The following ZNF436 variants were observed in gnomAD, a reference collection of about 807,000 sequenced individuals.
ZNF436 encodes the protein zinc finger protein 436, also known as DNA-binding protein.
In ZNF436, 22 loss-of-function variants were observed where a neutral mutation model predicts 41.9. The observed-to-expected ratio is 0.53, with a 90% CI of 0.38 to 0.75. The LOEUF is 0.75. ZNF436 is among the 30% of genes least tolerant of loss of function. The pLI is 0.00. For missense variants in ZNF436, 506 were observed against 587.3 expected (o/e 0.86, Z 1.43); for synonymous variants, 217 against 197.8 (o/e 1.10, Z -0.82).
chr1:23,367,934 T>C (rs1023002163), intron 2 of ZNF436, 39 bp downstream of exon 2: 4 of 1,612,108 alleles, frequency 2.5e-6, no homozygotes, highest in Non-Finnish European at 3.4e-6. Context: ...ACGAGGTGGG[T>C]AAGCAGAGAC....
chr1:23,365,022 T>C (rs1041145348), intron 3 of ZNF436, among the ~76,000 whole-genome samples: 1 of 151,984 alleles, frequency 6.6e-6, no homozygotes, highest in Non-Finnish European at 1.5e-5. Context: ...TTTGGGAGGC[T>C]GATGCAGGAG....
intron 1 of ZNF436, 162 bp from the exon 2 acceptor site, chr1:23,368,227 C>T (rs942146694): frequency 8.6e-6 from 5 of 582,130 alleles, no homozygotes; most frequent in Non-Finnish European, 1.5e-5. Flanking sequence ...GCGTCTCCGC[C>T]ACAGCGGGGT....
chr1:23,363,811 A>C (rs192388991), intron 3 of ZNF436, among the ~76,000 whole-genome samples: 43 of 152,312 alleles, frequency 2.8e-4, no homozygotes, highest in Admixed American at 9.2e-4. Context: ...AGGCCAAGTC[A>C]GGAGGAACAC....
chr1:23,368,781 T>G (rs1442631471), intron 1 of ZNF436, among the ~76,000 whole-genome samples: 1 of 152,214 alleles, frequency 6.6e-6, no homozygotes, highest in Non-Finnish European at 1.5e-5. Context: ...TGAGCTAGAA[T>G]GAGCCCCTGC....
Position 23,360,386 on chromosome 1 carries a change from TG to T in ZNF436, c.*1582del, listed in dbSNP as rs2148526825. 6.6e-6 allele frequency: 1 copy of T among 152,264 alleles called. No individual in the cohort carries two copies. Among genetic ancestry groups the T allele is most frequent in the African/African-American group, 2.4e-5 (1 of 41,558 alleles). 9.4% of individuals were successfully genotyped at this position (152,264 alleles called of 1,614,324 possible). On this transcript the variant is annotated 3_prime_UTR_variant, in exon 4 of 4. Transcript: ENST00000314011. ...GCAATAAAGCACAGTAGAAATAAAC[TG>T]GGGGTACTCTCAAAAGAAAAGATAT...
rs762181169 is a variant in ZNF436, at chr1:23,368,018, G to C, written c.-13C>G. 6 of 1,613,942 alleles carry C rather than the reference G, an allele frequency of 3.7e-6. No individual in the cohort carries two copies. Among genetic ancestry groups the C allele is most frequent in the Non-Finnish European group, 2.5e-6 (3 of 1,179,978 alleles). On this transcript the variant is annotated 5_prime_UTR_variant, in exon 2 of 4. Coordinates refer to ENST00000314011, the MANE Select transcript of ZNF436 (RefSeq NM_001077195.2). ...GGGTGGCTGCCATCTCGAGCACAAG[G>C]GTTCGCCTCCAGGGAGAGAGAGCAG...
At position 23,362,220 on chromosome 1, in the gene ZNF436, T is replaced by C; in HGVS notation, c.1162A>G (p.Lys388Glu). 6.2e-7 allele frequency: 1 copy of C among 1,614,146 alleles called. No homozygotes were observed. Among genetic ancestry groups the C allele is most frequent in the Non-Finnish European group, 8.5e-7 (1 of 1,180,020 alleles). Reference protein sequence around the residue: ...ITHQKIHTGEKPYECNECWRS... With the variant: ...ITHQKIHTGEEPYECNECWRS... ...CAACACTCATTACACTCATAAGGCT[T>C]CTCTCCAGTGTGAATTTTCTGGTGT... The change falls in exon 4 of 4, where the codon AAG becomes GAG. Residue 388 changes from lysine to glutamate, a missense_variant. By Grantham distance (56) the Lys-to-Glu change is moderately conservative. This residue lies in a region of ZNF436 where 278 missense variants were observed against 372.1 expected (regional missense o/e 0.75). Transcript: ENST00000314011.
At chr1:23,364,826 CAGAA>C (rs1638323489) in intron 3 of ZNF436, among the ~76,000 whole-genome samples, 1 of 152,182 alleles carries the variant, frequency 6.6e-6, no homozygotes, top group Admixed American at 6.5e-5. Flanking sequence ...GTACACTCTT[CAGAA>C]AGAAAGTATG....
At chr1:23,369,259 C>G (rs369602978) in intron 1 of ZNF436, 107 bp downstream of exon 1, 6 of 456,328 alleles carry the variant, frequency 1.3e-5, no homozygotes, top group Non-Finnish European at 2.8e-5. Context: ...CCGAAGGGAC[C>G]CTGGGCGTCT....
intron 1 of ZNF436, 183 bp from the exon 2 acceptor site, chr1:23,368,248 C>A (rs920174236): frequency 1.8e-5 from 10 of 562,792 alleles, no homozygotes; most frequent in Non-Finnish European, 2.2e-5. Flanking sequence ...GGAGGCAATG[C>A]CGGAATCTAC....
In ZNF436 at chr1:23,369,498, G is replaced by T; in HGVS notation, c.-193C>A. On this transcript the variant is annotated 5_prime_UTR_variant, in exon 1 of 4. Transcript: ENST00000314011. ...CTAGAGAGCACGGGCAGGTCCCGGA[G>T]GTCTCAGACCCGCAGGTAGATCTCG... 1 of 531,864 alleles carries T rather than the reference G, an allele frequency of 1.9e-6. No homozygotes were observed. The highest frequency in any genetic ancestry group is 3.9e-6 in the Non-Finnish European group (1 of 257,632). 32.9% of individuals were successfully genotyped at this position (531,864 alleles called of 1,614,324 possible).
Position 23,361,946 on chromosome 1 carries a change from T to G in ZNF436, c.*23A>C, listed in dbSNP as rs1477650290. 6.5e-7 allele frequency: 1 copy of G among 1,550,176 alleles called. No homozygotes were observed. The highest frequency in any genetic ancestry group is 8.7e-7 in the Non-Finnish European group (1 of 1,150,222). ...AAAATTGTATCTTCAAATGAATCAT[T>G]TCTCAGCCATCATAATTACAGCTTA... On this transcript the variant is annotated 3_prime_UTR_variant, in exon 4 of 4. Transcript: ENST00000314011.
rs772485315 is a variant in ZNF436, at chr1:23,362,425, G to A, written c.957C>T (p.Ser319=). Residue 319 remains serine (S), a synonymous_variant, in exon 4 of 4, where the codon TCC becomes TCT. Transcript: ENST00000314011. ...GGGCTCTGCGATGACGCACAAGGTC[G>A]GAGTTCTGACTGAAATTCTTCCCAC... The part of the protein sequence containing the change: ...DECGKNFSQN[S]DLVRHRRAHT... The A allele has an allele frequency of 6.2e-5, 100 of 1,613,562 alleles. No homozygotes were observed. The highest frequency in any genetic ancestry group is 7.5e-5 in the Non-Finnish European group (88 of 1,179,830).
chr1:23,362,936 T>G lies in ZNF436; in HGVS notation c.446A>C (p.Gln149Pro). 1 of 1,614,234 alleles carries G rather than the reference T, an allele frequency of 6.2e-7. No individual in the cohort carries two copies. The highest frequency in any genetic ancestry group is 8.5e-7 in the Non-Finnish European group (1 of 1,180,032). ...ICSHCGKAFS[Q>P]ISDLNRHQKT... ...CTGATGTCGATTAAGGTCTGAGATC[T>G]GACTGAAGGCCTTTCCACAATGAGA... The change falls in exon 4 of 4, where the codon CAG becomes CCG. Residue 149 changes from glutamine to proline, a missense_variant. Physicochemically the swap from Gln to Pro is moderately conservative, Grantham distance 76. Transcript: ENST00000314011.
Position 23,369,177 on chromosome 1 carries a change from G to T in ZNF436, c.-61+189C>A, listed in dbSNP as rs142620463. On this transcript the variant is annotated intron_variant, in intron 1 of 3. Coordinates refer to ENST00000314011, the MANE Select transcript of ZNF436 (RefSeq NM_001077195.2). ...GTAAGGAGGAGATAGCCAGGCCCCT[G>T]CGGGGGGGGCGGGCCCTCCTTAGCG... The T allele has an allele frequency of 5.2e-3, 2,019 of 390,996 alleles. 11 individuals are homozygous for T. The highest frequency in any genetic ancestry group is 6.6e-3 in the Non-Finnish European group (1,254 of 189,178). The allele number at this position is 390,996 out of a possible 1,614,324, so 24.2% of individuals were successfully genotyped here. A position where few individuals can be genotyped will look rare whatever the true frequency, so the allele number is the denominator to read the frequency against.
In ZNF436 at chr1:23,369,345, GT is replaced by G. The variant is rs1558000001; in HGVS notation, c.-61+20del. ...TGAAGGTAGGAAGCCGAAAACCCGA[GT>G]GGGGGACGAACAGACTTACCTCCTG... On this transcript the variant is annotated intron_variant, in intron 1 of 3. Coordinates refer to ENST00000314011, the MANE Select transcript of ZNF436 (RefSeq NM_001077195.2). The G allele has an allele frequency of 1.9e-6, 1 of 532,282 alleles. No homozygotes were observed. The highest frequency in any genetic ancestry group is 3.9e-6 in the Non-Finnish European group (1 of 258,170). 33.0% of individuals were successfully genotyped at this position (532,282 alleles called of 1,614,324 possible). A position where few individuals can be genotyped will look rare whatever the true frequency, so the allele number is the denominator to read the frequency against.
chr1:23,360,301 C>T lies in ZNF436; in HGVS notation c.*1668G>A, dbSNP rs1009295225. On this transcript the variant is annotated 3_prime_UTR_variant, in exon 4 of 4. Transcript: ENST00000314011. ...ACCACTGGCTCCTTTAACACCAAGT[C>T]CTAAAAAGCTATGGCAAAACATTTT... The T allele has an allele frequency of 6.6e-6, 1 of 152,172 alleles. No individual in the cohort carries two copies. Among genetic ancestry groups the T allele is most frequent in the Non-Finnish European group, 1.5e-5 (1 of 68,032 alleles). 9.4% of individuals were successfully genotyped at this position (152,172 alleles called of 1,614,324 possible). A position where few individuals can be genotyped will look rare whatever the true frequency, so the allele number is the denominator to read the frequency against.
chr1:23,368,656 A>C (rs1286116101), intron 1 of ZNF436, among the ~76,000 whole-genome samples: 1 of 152,256 alleles, frequency 6.6e-6, no homozygotes, highest in African/African-American at 2.4e-5. Flanking sequence ...TGGAGACTGC[A>C]GCACGATTAA....
Position 23,362,729 on chromosome 1 carries a change from C to A in ZNF436, c.653G>T (p.Gly218Val). 1 of 1,614,220 alleles carries A rather than the reference C, an allele frequency of 6.2e-7. No homozygotes were observed. Among genetic ancestry groups the A allele is most frequent in the South Asian group, 1.1e-5 (1 of 91,080 alleles). ...HLIQHQTIHT[G>V]EKPHKCNECG... ...CTCATTACATTTGTGAGGCTTCTCT[C>A]CAGTGTGGATTGTCTGATGCTGAAT... is the stretch of plus-strand genomic sequence containing the variant. Residue 218 changes from glycine to valine, a missense_variant, in exon 4 of 4, where the codon GGA becomes GTA. Physicochemically the swap from Gly to Val is moderately radical, Grantham distance 109 (BLOSUM62 -3). This residue lies in a region of ZNF436 where 278 missense variants were observed against 372.1 expected (regional missense o/e 0.75). Transcript: ENST00000314011.
Sources: gnomAD v4.1 joint callset for allele counts (sites outside exome capture counted in the v4.1 genomes callset) on GRCh38, gnomAD v4.1.1 for gene constraint, gnomAD v4.1.1 regional missense constraint, MANE v1.5 for transcripts, NCBI Gene and HGNC (gene_info 2026-07-23, HGNC 2026-07-21) for gene names.